The following PCBP3 variants were observed in gnomAD, a reference collection of about 807,000 sequenced individuals.
PCBP3 encodes the protein poly(rC)-binding protein 3.
In PCBP3, 25 loss-of-function variants were observed where a neutral mutation model predicts 52.7. That is an observed-to-expected ratio of 0.47 (90% confidence interval 0.35 to 0.66). The LOEUF is 0.66. Ranked by LOEUF, PCBP3 falls within the 30% of genes least tolerant of loss-of-function variation. PCBP3 has a pLI of 0.01. For missense variants in PCBP3, 391 were observed against 490.3 expected (o/e 0.80, Z 1.91); for synonymous variants, 162 against 183.0 (o/e 0.89, Z 0.93).
chr21:45,674,499 T>G (rs2081350641), intron 2 of PCBP3, among the ~76,000 whole-genome samples: 2 of 152,362 alleles, frequency 1.3e-5, no homozygotes, highest in South Asian at 4.1e-4. Context: ...TTCTTTGGTT[T>G]CTTGGCTCCT....
At chr21:45,801,856 G>A (rs1214634947) in intron 4 of PCBP3, among the ~76,000 whole-genome samples, 4 of 152,054 alleles carry the variant, frequency 2.6e-5, no homozygotes, top group Non-Finnish European at 5.9e-5. Flanking sequence ...ACAGTATGTG[G>A]AGATCCAAAC....
At position 45,937,257 on chromosome 21, in the gene PCBP3, C is replaced by T. The variant is rs572182813; in HGVS notation, c.909+1952C>T. Among the ~76,000 whole-genome samples, 53 of 152,320 alleles carry T rather than the reference C, an allele frequency of 3.5e-4. No individual in the cohort carries two copies. In the East Asian group the frequency reaches 8.7e-3, roughly 25 times the overall value. On this transcript the variant is annotated intron_variant, in intron 16 of 17. Coordinates refer to ENST00000681687, the MANE Select transcript of PCBP3 (RefSeq NM_001384156.1). Reference sequence around the variant, plus strand: ...CCTGAGACTCACAGGCTCCCCAGCACGGCCACTGGGGACACAGGCCAGTCC... The same window carrying T: ...CCTGAGACTCACAGGCTCCCCAGCATGGCCACTGGGGACACAGGCCAGTCC...
intron 1 of PCBP3, among the ~76,000 whole-genome samples, chr21:45,647,251 C>T (rs2079377904): frequency 6.6e-6 from 1 of 152,188 alleles, no homozygotes. Flanking sequence ...TTGACAGAAA[C>T]TCAGGAAAAC....
rs529343876 is a variant in PCBP3 at position 45,713,201 on chromosome 21, A to C, written c.-199-22191A>C. ...GATTTCAACATGCCACTACTGCTAA[A>C]AAGTTGTGCTTGGTGTCCGTTTATC... is the stretch of plus-strand genomic sequence containing the variant. On this transcript the variant is annotated intron_variant, in intron 2 of 17. Transcript: ENST00000681687. Among the ~76,000 whole-genome samples the C allele has an allele frequency of 2.0e-5, 3 of 152,320 alleles. No individual in the cohort carries two copies. In the South Asian group the frequency reaches 6.2e-4, roughly 32 times the overall value.
intron 4 of PCBP3, among the ~76,000 whole-genome samples, chr21:45,810,872 T>C (rs1380834886): frequency 6.6e-6 from 1 of 152,228 alleles, no homozygotes; most frequent in East Asian, 1.9e-4. Context: ...CTTTTACAGT[T>C]TGTATCAATT....
intron 5 of PCBP3, among the ~76,000 whole-genome samples, chr21:45,862,091 G>A (rs190620400): frequency 1.3e-5 from 2 of 148,424 alleles, no homozygotes; most frequent in Admixed American, 1.4e-4. Flanking sequence ...GCCTTTTTAT[G>A]AGGCACTGGT....
chr21:45,893,213 C>T (rs1171682558), intron 5 of PCBP3, among the ~76,000 whole-genome samples: 1 of 149,736 alleles, frequency 6.7e-6, no homozygotes, highest in Non-Finnish European at 1.5e-5. Flanking sequence ...GGAGAGTTGT[C>T]TTGAGCAGGG....
chr21:45,835,784 A>ACAGGCAGACCCTGGGCCCAGGGT, intron 4 of PCBP3, among the ~76,000 whole-genome samples: 1 of 151,920 alleles, frequency 6.6e-6, no homozygotes, highest in East Asian at 1.9e-4. Context: ...TGGGCCAGGG[A>ACAGGCAGACCCTGGGCCCAGGGT]CAGGCAGACC....
chr21:45,709,163 G>A (rs1459546534), intron 2 of PCBP3, among the ~76,000 whole-genome samples: 1 of 152,236 alleles, frequency 6.6e-6, no homozygotes, highest in Admixed American at 6.5e-5. Flanking sequence ...TAAGTTCTCA[G>A]CAGAAGGGGC....
chr21:45,846,315 A>G (rs1333949827), intron 4 of PCBP3, among the ~76,000 whole-genome samples: 1 of 151,744 alleles, frequency 6.6e-6, no homozygotes, highest in Non-Finnish European at 1.5e-5. Flanking sequence ...AAAGTTCATT[A>G]TTTTCTGGTC....
rs559931847 is a variant in PCBP3, at chr21:45,880,866, C to T, written c.11-15342C>T. Among the ~76,000 whole-genome samples the T allele has an allele frequency of 1.2e-4, 19 of 152,336 alleles. No homozygotes were observed. The highest frequency in any genetic ancestry group is 6.2e-4 in the South Asian group (3 of 4,824). The stretch of plus-strand genomic sequence containing the variant: ...ACAAACAAGACCAAGGGGGTAGGTG[C>T]TGGGCTCTGGACGGGAGGCTCAGGG... On this transcript the variant is annotated intron_variant, in intron 5 of 17. Coordinates refer to ENST00000681687, the MANE Select transcript of PCBP3 (RefSeq NM_001384156.1). This position sits in a 1 kb window ranked among gnomAD's most constrained non-coding sequence, Gnocchi z 5.4.
chr21:45,885,426 A>G (rs576595566), intron 5 of PCBP3, among the ~76,000 whole-genome samples: 13 of 152,176 alleles, frequency 8.5e-5, no homozygotes, highest in Middle Eastern at 3.4e-3. Flanking sequence ...GTAGGTTTTT[A>G]CTTTTTGCCA....
intron 5 of PCBP3, among the ~76,000 whole-genome samples, chr21:45,889,201 G>T (rs1419494167): frequency 6.6e-6 from 1 of 152,202 alleles, no homozygotes; most frequent in Admixed American, 6.5e-5. Flanking sequence ...GCTCACAGGG[G>T]CTTCAGAGAC....
intron 5 of PCBP3, among the ~76,000 whole-genome samples, chr21:45,870,375 A>G (rs956772692): frequency 2.0e-5 from 3 of 152,316 alleles, no homozygotes; most frequent in African/African-American, 4.8e-5. Flanking sequence ...AGAGTGGTCT[A>G]TCATCTTACC....
chr21:45,917,997 T>A lies in PCBP3; in HGVS notation c.717+368T>A, dbSNP rs1316455572. On this transcript the variant is annotated intron_variant, in intron 13 of 17. Coordinates refer to ENST00000681687, the MANE Select transcript of PCBP3 (RefSeq NM_001384156.1). This position sits in a 1 kb window ranked among gnomAD's most constrained non-coding sequence, Gnocchi z 5.3. The stretch of plus-strand genomic sequence containing the variant: ...GATACTTTCTCTGCGCCTAAGAAGT[T>A]GGGTGACATTATCAAACAGGCCACA... The A allele has an allele frequency of 2.5e-5, 8 of 321,192 alleles. No homozygotes were observed. The East Asian group carries it at 6.3e-4, about 25-fold the overall frequency. 19.9% of individuals were successfully genotyped at this position (321,192 alleles called of 1,614,324 possible). A position where few individuals can be genotyped will look rare whatever the true frequency, so the allele number is the denominator to read the frequency against.
intron 4 of PCBP3, among the ~76,000 whole-genome samples, chr21:45,797,752 GAGTGAATGGATGTGCATGTGGATGAA>G (rs1282006458): frequency 1.5e-3 from 20 of 13,068 alleles, no homozygotes; most frequent in South Asian, 7.9e-3. Flanking sequence ...TCCATAGAGA[GAGTGAATGGATGTGCATGTGGATGAA>G]TGCATGGATC....
chr21:45,667,786 C>G (rs1233632749), intron 1 of PCBP3, among the ~76,000 whole-genome samples: 1 of 152,068 alleles, frequency 6.6e-6, no homozygotes, highest in Admixed American at 6.6e-5. Flanking sequence ...AATGTGGCAA[C>G]TCTGGAAATC....
At chr21:45,730,534 G>A (rs911724248) in intron 2 of PCBP3, among the ~76,000 whole-genome samples, 33 of 152,068 alleles carry the variant, frequency 2.2e-4, no homozygotes, top group Admixed American at 1.3e-4. Context: ...TTCTATAAAT[G>A]TCAGTTAAAT....
At chr21:45,828,372 C>A (rs2093359787) in intron 4 of PCBP3, 1 of 152,218 alleles carries the variant, frequency 6.6e-6, no homozygotes, top group African/African-American at 2.4e-5. Context: ...GTTACTCTCG[C>A]TCTGGATCTG....
Sources: allele counts gnomAD v4.1 joint callset (sites outside exome capture counted in the v4.1 genomes callset), GRCh38; gene constraint gnomAD v4.1.1; non-coding constraint Gnocchi (gnomAD v3.1); transcripts MANE v1.5; gene names NCBI Gene and HGNC (gene_info 2026-07-23, HGNC 2026-07-21).